Variants in HMCN1 observed in about 807,000 individuals in gnomAD.
HMCN1 encodes hemicentin 1.
HMCN1 carries 321 observed loss-of-function variants against 625.9 expected under a neutral mutation model. The ratio of observed to expected loss-of-function variants is 0.51; its 90% confidence interval spans 0.47 to 0.56. The LOEUF is 0.56. Among genes scored for constraint, HMCN1 ranks in the 20% least tolerant of loss-of-function variants. The pLI is 0.00. For synonymous variants in HMCN1, 2,425 were observed against 2,417.6 expected (o/e 1.00, Z -0.09); for missense variants, 6,588 against 6,887.3 (o/e 0.96, Z 1.54).
rs369311506 is a variant in HMCN1 at position 186,062,604 on chromosome 1, T to C, written c.7513+4T>C. ...ACGCTGACTTGTGAAGTGACAGGTATGGGCTCAGCTCTCAGACTTTTGGTG... is the reference window on the plus strand; with the variant it reads ...ACGCTGACTTGTGAAGTGACAGGTACGGGCTCAGCTCTCAGACTTTTGGTG... On this transcript the variant is annotated splice_donor_region_variant and intron_variant, in intron 48 of 106. Coordinates refer to ENST00000271588, the MANE Select transcript of HMCN1 (RefSeq NM_031935.3). 136 of 1,596,424 alleles carry C rather than the reference T, an allele frequency of 8.5e-5. 1 individual carries two copies. The Middle Eastern group carries it at 1.0e-3, about 12-fold the overall frequency.
At chr1:186,082,385 C>T (rs1659219444) in intron 56 of HMCN1, among the ~76,000 whole-genome samples, 1 of 152,142 alleles carries the variant, frequency 6.6e-6, no homozygotes, top group South Asian at 2.1e-4. Context: ...GATGATTCCT[C>T]CCCAAGTGAT....
intron 48 of HMCN1, among the ~76,000 whole-genome samples, chr1:186,063,640 T>A (rs1657919774): frequency 6.6e-6 from 1 of 152,196 alleles, no homozygotes; most frequent in South Asian, 2.1e-4. Context: ...TGTGCCTTCC[T>A]TTTCTTTTCC....
rs772909507 is a variant in HMCN1, at chr1:186,187,966, G to A, written c.16498G>A (p.Asp5500Asn). 5.7e-5 allele frequency: 92 copies of A among 1,613,704 alleles called. No homozygotes were observed. The highest frequency in any genetic ancestry group is 1.6e-4 in the Middle Eastern group (1 of 6,078). ...FNMRGSYQCI[D>N]TPCPPNYQRD... ...CATGAGAGGAAGCTACCAGTGCATC[G>A]ATACACCCTGTCCACCCAACTACCA... Residue 5500 changes from aspartate (D) to asparagine (N), a missense_variant, in exon 106 of 107, where the codon GAT (aspartate) becomes AAT (asparagine). Asp to Asn is a conservative substitution (Grantham distance 23, BLOSUM62 1). Coordinates refer to ENST00000271588, the MANE Select transcript of HMCN1 (RefSeq NM_031935.3).
Position 186,187,931 on chromosome 1 carries a change from TG to T in HMCN1, c.16464del (p.Met5488IlefsTer5). The T allele has an allele frequency of 6.2e-7, 1 of 1,613,824 alleles. No individual in the cohort carries two copies. Among genetic ancestry groups the T allele is most frequent in the Non-Finnish European group, 8.5e-7 (1 of 1,179,776 alleles). Reference protein sequence around the residue: ...EQNVHCGPNRMCFNMRGSYQC... With the variant: ...EQNVHCGPNRXCFNMRGSYQC... ...AATGTGCACTGTGGACCCAATCGCA[TG>T]TGCTTCAACATGAGAGGAAGCTACC... is the stretch of plus-strand genomic sequence containing the variant. On this transcript the variant is annotated frameshift_variant, in exon 106 of 107. Coordinates refer to ENST00000271588, the MANE Select transcript of HMCN1 (RefSeq NM_031935.3). LOFTEE classifies it high-confidence loss of function.
chr1:185,781,250 T>G (rs1172354606), intron 1 of HMCN1, among the ~76,000 whole-genome samples: 2 of 152,328 alleles, frequency 1.3e-5, no homozygotes, highest in African/African-American at 4.8e-5. Context: ...TTCTTCTTTA[T>G]TAGTCTTGCT....
At position 186,087,290 on chromosome 1, in the gene HMCN1, A is replaced by C; in HGVS notation, c.9120A>C (p.Gln3040His). The C allele has an allele frequency of 6.2e-7, 1 of 1,613,314 alleles. No homozygotes were observed. The highest frequency in any genetic ancestry group is 1.1e-5 in the South Asian group (1 of 91,078). Residue 3040 changes from glutamine (Q) to histidine (H), a missense_variant, in exon 59 of 107, where the codon CAA (glutamine) becomes CAC (histidine). Physicochemically the swap from Gln to His is conservative, Grantham distance 24 (BLOSUM62 0). Transcript: ENST00000271588. ...AATACACTTGTATAGCTATCAATCA[A>C]GCTGGCGAAAGCAAGAAAAAGTTTT... The part of the protein sequence containing the change: ...GGEYTCIAIN[Q>H]AGESKKKFSL...
intron 20 of HMCN1, among the ~76,000 whole-genome samples, chr1:185,989,000 T>C (rs1369456662): frequency 6.7e-6 from 1 of 148,184 alleles, no homozygotes; most frequent in African/African-American, 2.5e-5. Context: ...ATATCACTTT[T>C]AGTACTTTTT....
chr1:185,956,206 T>C (rs903839139), intron 11 of HMCN1, among the ~76,000 whole-genome samples: 13 of 152,148 alleles, frequency 8.5e-5, no homozygotes, highest in Non-Finnish European at 1.3e-4. Flanking sequence ...GATTTTTTTT[T>C]CCCTCATACA....
At chr1:185,761,900 G>C (rs79893139) in intron 1 of HMCN1, among the ~76,000 whole-genome samples, 5,863 of 152,184 alleles carry the variant, frequency 0.039, 330 homozygotes, top group African/African-American at 0.13. Context: ...ATTTAAGTAT[G>C]AGAGAAATAA....
At chr1:185,778,752 A>G (rs1434948162) in intron 1 of HMCN1, among the ~76,000 whole-genome samples, 4 of 152,028 alleles carry the variant, frequency 2.6e-5, no homozygotes, top group Admixed American at 2.0e-4. Flanking sequence ...TCATTGATGG[A>G]CATTTGGGTT....
intron 51 of HMCN1, 56 bp downstream of exon 51, chr1:186,069,832 C>G: frequency 8.8e-7 from 1 of 1,133,980 alleles, no homozygotes; most frequent in South Asian, 1.3e-5. Flanking sequence ...CTAACTTTTT[C>G]AATCCTGTTT....
intron 1 of HMCN1, among the ~76,000 whole-genome samples, chr1:185,758,136 T>C (rs573968878): frequency 4.6e-5 from 7 of 152,336 alleles, no homozygotes; most frequent in African/African-American, 1.4e-4. Context: ...TTGGCGGATA[T>C]ATACATTTTT....
At chr1:185,800,726 T>C (rs1658737661) in intron 1 of HMCN1, among the ~76,000 whole-genome samples, 1 of 152,184 alleles carries the variant, frequency 6.6e-6, no homozygotes, top group Admixed American at 6.5e-5. Flanking sequence ...AATTTATGAA[T>C]TGTCTTAGTA....
At chr1:185,779,403 A>G (rs1386842343) in intron 1 of HMCN1, among the ~76,000 whole-genome samples, 2 of 152,220 alleles carry the variant, frequency 1.3e-5, no homozygotes, top group South Asian at 2.1e-4. Flanking sequence ...TTGGGGTTTT[A>G]GACATGAAGT....
At chr1:185,913,646 G>T (rs1666547358) in intron 6 of HMCN1, among the ~76,000 whole-genome samples, 2 of 152,200 alleles carry the variant, frequency 1.3e-5, no homozygotes, top group South Asian at 4.1e-4. Flanking sequence ...AATTTATTGT[G>T]CAGTACTTGT....
intron 1 of HMCN1, among the ~76,000 whole-genome samples, chr1:185,801,088 C>T (rs550899492): frequency 6.6e-6 from 1 of 152,184 alleles, no homozygotes; most frequent in South Asian, 2.1e-4. Context: ...AACGACTGTA[C>T]ACAAGAGGTG....
intron 97 of HMCN1, among the ~76,000 whole-genome samples, chr1:186,158,676 C>T (rs1447927964): frequency 6.6e-6 from 1 of 152,268 alleles, no homozygotes; most frequent in African/African-American, 2.4e-5. Context: ...TTTCCAGCAC[C>T]ATTTATTAAA....
At position 186,015,285 on chromosome 1, in the gene HMCN1, A is replaced by G. The variant is rs1049358026; in HGVS notation, c.4757A>G (p.Gln1586Arg). ...GCCATTACTTGGTATAAGGACGGGC[A>G]GCCAATCATGTCCAGCTCACAAGCA... ...MPAITWYKDG[Q>R]PIMSSSQALY... The change falls in exon 31 of 107, where the codon CAG (glutamine) becomes CGG (arginine). Residue 1586 changes from glutamine to arginine, a missense_variant. Transcript: ENST00000271588. 3 of 1,613,696 alleles carry G rather than the reference A, an allele frequency of 1.9e-6. No homozygotes were observed. The highest frequency in any genetic ancestry group is 2.7e-5 in the African/African-American group (2 of 74,918).
chr1:186,001,763 A>G (rs372643542), intron 28 of HMCN1, 22 bp downstream of exon 28: 93 of 1,598,814 alleles, frequency 5.8e-5, no homozygotes, highest in Non-Finnish European at 7.8e-5. Context: ...ATCCTTTTAA[A>G]AAACTACAAT....
Sources: gnomAD v4.1 joint callset for allele counts (sites outside exome capture counted in the v4.1 genomes callset) on GRCh38, gnomAD v4.1.1 for gene constraint, MANE v1.5 for transcripts, NCBI Gene and HGNC (gene_info 2026-07-23, HGNC 2026-07-21) for gene names.